TSHZ3: variants seen among roughly 807,000 people sequenced by gnomAD.
TSHZ3 encodes teashirt homolog 3.
Under a neutral mutation model 64.5 loss-of-function variants are expected in TSHZ3, and 10 were observed. The ratio of observed to expected loss-of-function variants is 0.16; its 90% CI spans 0.10 to 0.26. The LOEUF (loss-of-function observed/expected upper bound fraction) is 0.26, where lower values mean the gene tolerates loss of function less well. Ranked by LOEUF, TSHZ3 falls within the 10% of genes least tolerant of loss-of-function variation. TSHZ3 has a pLI of 1.00. For synonymous variants in TSHZ3, 608 were observed against 593.1 expected (o/e 1.03, Z -0.36); for missense variants, 1,242 against 1,421.7 (o/e 0.87, Z 2.03).
intron 5 of TSHZ3, among the ~76,000 whole-genome samples, chr19:31,185,490 C>T (rs571996859): frequency 1.3e-4 from 20 of 152,242 alleles, no homozygotes; most frequent in African/African-American, 3.9e-4. Flanking sequence ...AAAGACATTG[C>T]GGCAGGGATG....
chr19:31,271,510 G>A (rs1976137804), downstream of TSHZ3, among the ~76,000 whole-genome samples: 1 of 152,190 alleles, frequency 6.6e-6, no homozygotes, highest in Admixed American at 6.5e-5. Flanking sequence ...TATCACAGAG[G>A]AGCTTGTCTT....
At chr19:31,234,489 A>G (rs1975581404) in intron 3 of TSHZ3, among the ~76,000 whole-genome samples, 1 of 152,228 alleles carries the variant, frequency 6.6e-6, no homozygotes, top group African/African-American at 2.4e-5. Flanking sequence ...GGCTTTAACC[A>G]TTAACAATGA....
At chr19:31,197,598 A>T (rs1396481846) in intron 5 of TSHZ3, among the ~76,000 whole-genome samples, 1 of 151,902 alleles carries the variant, frequency 6.6e-6, no homozygotes, top group African/African-American at 2.4e-5. Context: ...GACACAAATT[A>T]CTAATATTAG....
intron 1 of TSHZ3, among the ~76,000 whole-genome samples, chr19:31,267,759 A>G (rs1005904913): frequency 4.6e-5 from 7 of 152,304 alleles, no homozygotes; most frequent in African/African-American, 7.2e-5. Context: ...TGGCCAGGAT[A>G]TCAGAGCACC....
At chr19:31,333,295 C>A (rs985680444) in intron 1 of TSHZ3, among the ~76,000 whole-genome samples, 3 of 152,068 alleles carry the variant, frequency 2.0e-5, no homozygotes, top group Non-Finnish European at 4.4e-5. Context: ...TACTCCAACT[C>A]AGGAGGTTAT....
At chr19:31,282,773 G>A (rs781700340) in intron 1 of TSHZ3, among the ~76,000 whole-genome samples, 4 of 152,146 alleles carry the variant, frequency 2.6e-5, no homozygotes, top group Non-Finnish European at 5.9e-5. Flanking sequence ...CAACCTCCCT[G>A]GTGGAACAAG....
chr19:31,151,356 A>T (rs1030373118), exon 7 of TSHZ3, among the ~76,000 whole-genome samples: 4 of 152,170 alleles, frequency 2.6e-5, no homozygotes, highest in Non-Finnish European at 5.9e-5. Context: ...CAGAAAAAAA[A>T]ATCTATCACC....
At chr19:31,257,511 C>T (rs1975927462) in intron 1 of TSHZ3, among the ~76,000 whole-genome samples, 3 of 152,214 alleles carry the variant, frequency 2.0e-5, no homozygotes, top group African/African-American at 7.2e-5. Flanking sequence ...CTGCTGTGGG[C>T]AATGGGGCTC....
At position 31,278,344 on chromosome 19, in the gene TSHZ3, C is replaced by G. The variant is rs1381466429; in HGVS notation, c.1449G>C (p.Glu483Asp). The G allele has an allele frequency of 6.2e-7, 1 of 1,614,070 alleles. No individual in the cohort carries two copies. The highest frequency in any genetic ancestry group is 8.5e-7 in the Non-Finnish European group (1 of 1,180,044). The change falls in exon 2 of 2, where the codon GAG becomes GAC. Residue 483 changes from glutamate to aspartate, a missense_variant. Coordinates refer to ENST00000240587, the MANE Select transcript of TSHZ3 (RefSeq NM_020856.4). The surrounding 1 kb of genome is among the most constrained non-coding windows in gnomAD (Gnocchi z 4.7). ...CAGGCTTGTCTTTTTGCTTAGGTTT[C>G]TCGTCAGTGACCGCTTTCTCCTTGT... ...EVDKEKAVTDEKPKQKDKPGE... is the reference protein window; with the variant it reads ...EVDKEKAVTDDKPKQKDKPGE...
At chr19:31,315,071 C>G (rs368722618) in intron 1 of TSHZ3, among the ~76,000 whole-genome samples, 13 of 152,206 alleles carry the variant, frequency 8.5e-5, no homozygotes, top group African/African-American at 3.1e-4. Flanking sequence ...GGGCACAGAT[C>G]AAGGGAAGAA....
intron 5 of TSHZ3, among the ~76,000 whole-genome samples, chr19:31,169,563 A>G (rs1974506845): frequency 6.6e-6 from 1 of 152,182 alleles, no homozygotes; most frequent in Non-Finnish European, 1.5e-5. Context: ...ATACAACAAT[A>G]TGAATGCACT....
At chr19:31,295,362 C>A (rs570861992) in intron 1 of TSHZ3, among the ~76,000 whole-genome samples, 2 of 152,206 alleles carry the variant, frequency 1.3e-5, no homozygotes, top group African/African-American at 4.8e-5. Flanking sequence ...CGCTGATATC[C>A]TTTGATACGC....
At chr19:31,201,208 T>G (rs1975081671) in intron 5 of TSHZ3, among the ~76,000 whole-genome samples, 1 of 152,184 alleles carries the variant, frequency 6.6e-6, no homozygotes, top group African/African-American at 2.4e-5. Flanking sequence ...AATCATTTGA[T>G]TTTTAATAAT....
chr19:31,253,712 G>A (rs981939718), intron 1 of TSHZ3, among the ~76,000 whole-genome samples: 3 of 152,050 alleles, frequency 2.0e-5, no homozygotes, highest in Admixed American at 6.5e-5. Context: ...GCATGGGTAC[G>A]CTTTCCTGTG....
intron 1 of TSHZ3, among the ~76,000 whole-genome samples, chr19:31,296,484 G>A (rs938172847): frequency 4.0e-5 from 6 of 151,596 alleles, no homozygotes; most frequent in South Asian, 4.2e-4. Context: ...AAAGGTGCCC[G>A]CCACCATGCC....
chr19:31,225,246 T>G (rs1490157362), intron 4 of TSHZ3, among the ~76,000 whole-genome samples: 2 of 152,058 alleles, frequency 1.3e-5, no homozygotes, highest in Non-Finnish European at 2.9e-5. Flanking sequence ...GGCCCCAGAG[T>G]CAGCCTCAGA....
chr19:31,281,091 T>C (rs59376976), intron 1 of TSHZ3, among the ~76,000 whole-genome samples: 17,016 of 152,204 alleles, frequency 0.11, 1,031 homozygotes, highest in East Asian at 0.22. Flanking sequence ...TGTTAAGTGG[T>C]TGGAACGTTG....
chr19:31,255,819 A>G (rs149634683), intron 1 of TSHZ3, among the ~76,000 whole-genome samples: 106 of 152,286 alleles, frequency 7.0e-4, no homozygotes, highest in Admixed American at 1.4e-3. Context: ...TAAAAGAACC[A>G]GGTAAGCCCC....
intron 5 of TSHZ3, among the ~76,000 whole-genome samples, chr19:31,192,508 A>T (rs1237707015): frequency 2.0e-5 from 3 of 152,224 alleles, no homozygotes; most frequent in African/African-American, 4.8e-5. Context: ...CACTTAATAG[A>T]TGTCTTTGCT....
Sources: allele counts gnomAD v4.1 joint callset (sites outside exome capture counted in the v4.1 genomes callset), GRCh38; gene constraint gnomAD v4.1.1; non-coding constraint Gnocchi (gnomAD v3.1); transcripts MANE v1.5; gene names NCBI Gene and HGNC (gene_info 2026-07-23, HGNC 2026-07-21).